The following SLX9 variants were observed in gnomAD, a reference collection of about 807,000 sequenced individuals.
SLX9 encodes the protein SLX9 ribosome biogenesis factor.
SLX9 carries 19 observed loss-of-function variants against 20.8 expected under a neutral mutation model. The observed-to-expected ratio is 0.91, with a 90% CI of 0.64 to 1.34. The LOEUF (loss-of-function observed/expected upper bound fraction) is 1.34. Among genes scored for constraint, SLX9 ranks in the 40% most tolerant of loss-of-function variants. SLX9 has a pLI of 0.00. For missense variants in SLX9, 299 were observed against 322.2 expected, an observed-to-expected ratio of 0.93 and a Z score of 0.55; for synonymous variants, 113 against 137.1, an observed-to-expected ratio of 0.82 and a Z score of 1.23.
At chr21:44,970,453 C>A (rs912868389) in intron 4 of SLX9, among the ~76,000 whole-genome samples, 7 of 152,146 alleles carry the variant, frequency 4.6e-5, no homozygotes, top group African/African-American at 1.7e-4. Flanking sequence ...GTAACCCAGG[C>A]GCATCTTGGA....
intron 4 of SLX9, chr21:44,969,226 C>G: frequency 2.1e-6 from 1 of 469,570 alleles, no homozygotes; most frequent in South Asian, 1.6e-5. Context: ...GGCTGGCATC[C>G]CGCGGCGGAG....
rs79975146 is a variant in SLX9, at chr21:44,962,307, G to A, written c.352+2139G>A. On this transcript the variant is annotated intron_variant, in intron 3 of 5. Coordinates refer to ENST00000291634, the MANE Select transcript of SLX9 (RefSeq NM_058190.4). ...ATCACCACCATTCCCCGACAGTCAC[G>A]CACCCCCCCAGTCAATTACCTCTCC... Among the ~76,000 whole-genome samples, 281 of 152,116 alleles carry A rather than the reference G, an allele frequency of 1.8e-3. 4 individuals carry two copies. Among genetic ancestry groups the A allele is most frequent in the African/African-American group, 6.1e-3 (253 of 41,442 alleles).
At chr21:44,955,560 G>A (rs1004977310) in intron 2 of SLX9, among the ~76,000 whole-genome samples, 19 of 152,134 alleles carry the variant, frequency 1.2e-4, no homozygotes, top group Admixed American at 1.0e-3. Flanking sequence ...CTGTCACCCA[G>A]GCTGGAGTGC....
chr21:44,965,143 G>A (rs901116878), intron 3 of SLX9, among the ~76,000 whole-genome samples: 1 of 152,152 alleles, frequency 6.6e-6, no homozygotes, highest in Admixed American at 6.5e-5. Flanking sequence ...ATAAAGTTTA[G>A]AATTAGCTGC....
chr21:44,949,390 C>T (rs183019074), intron 2 of SLX9, among the ~76,000 whole-genome samples: 3 of 152,190 alleles, frequency 2.0e-5, no homozygotes, highest in South Asian at 4.2e-4. Flanking sequence ...GCAGCCCAGG[C>T]GGCCCTGCAC....
chr21:44,939,866 C>G (rs2084504964), upstream of SLX9: 2 of 579,410 alleles, frequency 3.5e-6, no homozygotes, highest in African/African-American at 1.9e-5. Context: ...TCTGTTTCTC[C>G]CAGGTGCGTC....
intron 2 of SLX9, among the ~76,000 whole-genome samples, chr21:44,954,445 T>A (rs1464553923): frequency 6.6e-6 from 1 of 151,944 alleles, no homozygotes; most frequent in Non-Finnish European, 1.5e-5. Flanking sequence ...GGCTGGAGGG[T>A]GGGGGCTGCC....
rs535260169 is a variant in SLX9 at position 44,961,838 on chromosome 21, C to T, written c.352+1670C>T. 2.0e-5 allele frequency among the ~76,000 whole-genome samples: 3 copies of T among 152,250 alleles called. No individual in the cohort carries two copies. The South Asian group carries it at 6.2e-4, about 32-fold the overall frequency. On this transcript the variant is annotated intron_variant, in intron 3 of 5. Coordinates refer to ENST00000291634, the MANE Select transcript of SLX9 (RefSeq NM_058190.4). Reference sequence around the variant, plus strand: ...TAGCTTTCTTTGGGTTTCAGTTACTCTGCTTATCTGTTTGTATATGTTTTG... The same window carrying T: ...TAGCTTTCTTTGGGTTTCAGTTACTTTGCTTATCTGTTTGTATATGTTTTG...
At chr21:44,973,056 G>T in intron 4 of SLX9, 141 bp from the exon 5 acceptor site, 2 of 421,532 alleles carry the variant, frequency 4.7e-6, no homozygotes, top group Non-Finnish European at 6.7e-6. Context: ...AGTGCAGCTT[G>T]GAACTTGTGG....
At chr21:44,962,848 G>A (rs1334431543) in intron 3 of SLX9, among the ~76,000 whole-genome samples, 1 of 151,990 alleles carries the variant, frequency 6.6e-6, no homozygotes, top group Non-Finnish European at 1.5e-5. Context: ...CCTCAGCCTC[G>A]GCCGTCTGGT....
intron 2 of SLX9, among the ~76,000 whole-genome samples, chr21:44,956,381 G>A (rs1017843156): frequency 3.3e-5 from 5 of 152,074 alleles, no homozygotes; most frequent in Non-Finnish European, 7.4e-5. Flanking sequence ...AGAGTGAGAC[G>A]GATGATTCCC....
intron 3 of SLX9, among the ~76,000 whole-genome samples, chr21:44,962,536 A>G (rs1325037204): frequency 6.6e-6 from 1 of 152,224 alleles, no homozygotes; most frequent in Non-Finnish European, 1.5e-5. Context: ...GAAGTATTTC[A>G]TTGTATGAAT....
intron 2 of SLX9, among the ~76,000 whole-genome samples, chr21:44,959,702 G>T (rs1032929154): frequency 2.0e-5 from 3 of 152,258 alleles, no homozygotes; most frequent in African/African-American, 7.2e-5. Context: ...TCTTGGGGAT[G>T]TCCCCCTAAG....
chr21:44,945,013 G>A (rs1430208937), intron 2 of SLX9, among the ~76,000 whole-genome samples: 3 of 152,230 alleles, frequency 2.0e-5, no homozygotes, highest in Admixed American at 6.5e-5. Flanking sequence ...AACGAGGCTG[G>A]TCTGGTGGGA....
intron 2 of SLX9, among the ~76,000 whole-genome samples, chr21:44,957,139 T>C (rs2084873028): frequency 6.6e-6 from 1 of 152,254 alleles, no homozygotes; most frequent in Non-Finnish European, 1.5e-5. Flanking sequence ...CTGCAGGTTT[T>C]TGCCGGGCCG....
intron 3 of SLX9, 109 bp from the exon 4 acceptor site, chr21:44,966,925 G>A (rs2085046318): frequency 1.4e-6 from 2 of 1,404,804 alleles, no homozygotes; most frequent in Admixed American, 2.0e-5. Flanking sequence ...GGGAAGGAGA[G>A]AGGCAGCAGG....
chr21:44,945,892 G>A (rs923186673), intron 2 of SLX9, among the ~76,000 whole-genome samples: 1 of 152,142 alleles, frequency 6.6e-6, no homozygotes, highest in African/African-American at 2.4e-5. Context: ...ACGCCACCAC[G>A]CCCGGCTAAT....
intron 2 of SLX9, among the ~76,000 whole-genome samples, chr21:44,953,771 C>T (rs1039812273): frequency 3.3e-5 from 5 of 152,172 alleles, no homozygotes; most frequent in Non-Finnish European, 7.4e-5. Context: ...ATTCAGCGTC[C>T]CTGGGTCGTG....
chr21:44,940,563 T>C (rs1171757254), intron 1 of SLX9, among the ~76,000 whole-genome samples: 1 of 152,174 alleles, frequency 6.6e-6, no homozygotes, highest in Non-Finnish European at 1.5e-5. Context: ...CCGTTCCCTT[T>C]AGCAGTCGGC....
Sources: gnomAD v4.1 joint callset for allele counts (sites outside exome capture counted in the v4.1 genomes callset) on GRCh38, gnomAD v4.1.1 for gene constraint, MANE v1.5 for transcripts, NCBI Gene and HGNC (gene_info 2026-07-23, HGNC 2026-07-21) for gene names.